Variants in GNAS observed in about 807,000 individuals in gnomAD.
GNAS encodes GNAS complex locus, also known as protein ALEX.
GNAS carries 8 observed loss-of-function variants against 54.5 expected under a neutral mutation model. The ratio of observed to expected loss-of-function variants is 0.15; its 90% CI spans 0.09 to 0.26. The LOEUF (loss-of-function observed/expected upper bound fraction) is 0.26. GNAS is among the 10% of genes least tolerant of loss of function. The probability of loss-of-function intolerance (pLI) is 1.00; values close to 1 mark genes in which losing one functional copy is unlikely to be tolerated. For synonymous variants in GNAS, 204 were observed against 191.4 expected, an observed-to-expected ratio of 1.07 and a Z score of -0.54; for missense variants, 170 against 529.8, an observed-to-expected ratio of 0.32 and a Z score of 6.67.
Position 58,872,877 on chromosome 20 carries a change from A to G in GNAS, c.44-22735A>G, listed in dbSNP as rs111303344. 5.6e-3 allele frequency among the ~76,000 whole-genome samples: 852 copies of G among 152,342 alleles called. 5 individuals are homozygous for G. Among genetic ancestry groups the G allele is most frequent in the Non-Finnish European group, 9.4e-3 (638 of 68,038 alleles). On this transcript the variant is annotated intron_variant, in intron 1 of 12. Transcript: ENST00000306090. ...GTCCTGGGCTTCATTCATCAGCTCAAGAGAAAAAAAATAAAATCAAAATTT... is the reference window on the plus strand; with the variant it reads ...GTCCTGGGCTTCATTCATCAGCTCAGGAGAAAAAAAATAAAATCAAAATTT...
chr20:58,892,091 C>A (rs1186901710), intron 1 of GNAS: 4 of 966,746 alleles, frequency 4.1e-6, no homozygotes, highest in Non-Finnish European at 4.9e-6. Context: ...GACGCGGGCG[C>A]GGGTCCCCCT....
At chr20:58,892,561 C>A (rs1310219423) in intron 1 of GNAS, 1 of 9,908 alleles carries the variant, frequency 1.0e-4, no homozygotes, top group Admixed American at 1.2e-3. Flanking sequence ...GCGCCGGAGT[C>A]GGGAGGGGGG....
intron 2 of GNAS, chr20:58,898,054 TAC>T (rs774041457): frequency 3.3e-5 from 5 of 152,246 alleles, no homozygotes; most frequent in Admixed American, 6.5e-5. Context: ...CCTTCAGAAA[TAC>T]AGAGGTTGGA....
chr20:58,892,311 G>A (rs2089503821), intron 1 of GNAS: 6 of 316,886 alleles, frequency 1.9e-5, no homozygotes, highest in Non-Finnish European at 2.7e-5. Flanking sequence ...AGAGGGAGGG[G>A]GACCCGCCTC....
Position 58,903,725 on chromosome 20 carries a change from C to G in GNAS, c.366C>G (p.Pro122=), listed in dbSNP as rs35287986. The G allele has an allele frequency of 1.2e-6, 2 of 1,613,822 alleles. No homozygotes were observed. Among genetic ancestry groups the G allele is most frequent in the Admixed American group, 1.7e-5 (1 of 60,016 alleles). ...TGCCCCCCGTGGAGCTGGCCAACCC[C>G]GAGAACCAGTTCAGAGTGGACTACA... ...NLVPPVELAN[P]ENQFRVDYIL... Residue 122 remains proline (P), a synonymous_variant, in exon 5 of 13, where the codon CCC becomes CCG. Coordinates refer to ENST00000371085, the MANE Select transcript of GNAS (RefSeq NM_000516.7).
chr20:58,888,949 C>T (rs1382093006), upstream of GNAS: 10 of 379,872 alleles, frequency 2.6e-5, no homozygotes, highest in East Asian at 6.6e-4. Flanking sequence ...CTTGGGCGCG[C>T]CCGCGCCCCC....
chr20:58,840,053 C>A, upstream of GNAS: 2 of 1,594,504 alleles, frequency 1.3e-6, no homozygotes, highest in South Asian at 2.2e-5. This position sits in a 1 kb window ranked among gnomAD's most constrained non-coding sequence, Gnocchi z 6.0. Flanking sequence ...TGCTTCGGAG[C>A]CACTCTCTGC....
chr20:58,843,794 T>G (rs2085835486), intron 1 of GNAS, among the ~76,000 whole-genome samples: 1 of 152,234 alleles, frequency 6.6e-6, no homozygotes, highest in Non-Finnish European at 1.5e-5. Flanking sequence ...AAGGTGCTCT[T>G]GTAACTGAAC....
Position 58,910,621 on chromosome 20 carries a change from T to C in GNAS, c.1039-62T>C. The C allele has an allele frequency of 6.3e-7, 1 of 1,579,974 alleles. No homozygotes were observed. Among genetic ancestry groups the C allele is most frequent in the Non-Finnish European group, 8.7e-7 (1 of 1,149,302 alleles). On this transcript the variant is annotated intron_variant, in intron 12 of 12. Transcript: ENST00000371085. The surrounding 1 kb of genome is among the most constrained non-coding windows in gnomAD (Gnocchi z 5.8). ...CAGCCGTCCCTGGTAGGTGTCCCCATCAGGGATAGGGTGGTTCCTGGCGAG... is the reference window on the plus strand; with the variant it reads ...CAGCCGTCCCTGGTAGGTGTCCCCACCAGGGATAGGGTGGTTCCTGGCGAG...
chr20:58,891,838 C>G lies in GNAS; in HGVS notation c.112C>G (p.Arg38Gly), dbSNP rs994421324. 1.6e-6 allele frequency: 2 copies of G among 1,268,194 alleles called. No homozygotes were observed. Among genetic ancestry groups the G allele is most frequent in the Admixed American group, 2.2e-5 (1 of 45,438 alleles). The allele number at this position is 1,268,194 out of a possible 1,614,324, so 78.6% of individuals were successfully genotyped here. Residue 38 changes from arginine (R) to glycine (G), a missense_variant, in exon 1 of 13, where the codon CGG becomes GGG. Coordinates refer to ENST00000371085, the MANE Select transcript of GNAS (RefSeq NM_000516.7). ...GCTGCAGAAGGACAAGCAGGTCTAC[C>G]GGGCCACGCACCGCCTGCTGCTGCT... The part of the protein sequence containing the change: ...KQLQKDKQVY[R>G]ATHRLLLLGA...
chr20:58,898,952 A>AG lies in GNAS; in HGVS notation c.226dup (p.Asp76GlyfsTer12). Reference sequence around the variant, plus strand: ...TCTCTCTTTAAAAGGGGCGGCGAAGAGGACCCGCAGGCTGCAAGGAGCAAC... The same window carrying AG: ...TCTCTCTTTAAAAGGGGCGGCGAAGAGGGACCCGCAGGCTGCAAGGAGCAAC... On this transcript the variant is annotated frameshift_variant, in exon 3 of 13. Transcript: ENST00000371085. LOFTEE classifies it high-confidence loss of function. 1 of 1,613,984 alleles carries AG rather than the reference A, an allele frequency of 6.2e-7. No individual in the cohort carries two copies. The highest frequency in any genetic ancestry group is 8.5e-7 in the Non-Finnish European group (1 of 1,179,824).
At chr20:58,897,542 C>A (rs2090179593) in intron 2 of GNAS, 1 of 152,194 alleles carries the variant, frequency 6.6e-6, no homozygotes, top group Non-Finnish European at 1.5e-5. Flanking sequence ...AAATAAATTA[C>A]TGACAGCTTC....
In GNAS at chr20:58,850,845, C is replaced by G. The variant is rs573544132; in HGVS notation, c.43+9959C>G. Reference sequence around the variant, plus strand: ...GCCTAGCCGCCATACACCCGCCCCCCACCGGCTTCCAACCACCCCAGCAGC... The same window carrying G: ...GCCTAGCCGCCATACACCCGCCCCCGACCGGCTTCCAACCACCCCAGCAGC... On this transcript the variant is annotated intron_variant, in intron 1 of 12. Transcript: ENST00000306090. 5.3e-5 allele frequency: 21 copies of G among 398,860 alleles called. No individual in the cohort carries two copies. In the East Asian group the frequency reaches 6.8e-4, roughly 13 times the overall value. The allele number at this position is 398,860 out of a possible 1,614,324, so 24.7% of individuals were successfully genotyped here.
chr20:58,889,695 C>G (rs2088936618), upstream of GNAS: 1 of 151,540 alleles, frequency 6.6e-6, no homozygotes, highest in African/African-American at 2.4e-5. Flanking sequence ...GGCGCTAACT[C>G]TTAGGCAGCC....
chr20:58,897,311 A>C (rs1466146453), intron 2 of GNAS: 1 of 152,232 alleles, frequency 6.6e-6, no homozygotes, highest in East Asian at 1.9e-4. Context: ...ACAGACTTCC[A>C]ACCATGAATC....
At chr20:58,904,761 GA>G (rs905036725) in intron 5 of GNAS, among the ~76,000 whole-genome samples, 39 of 151,320 alleles carry the variant, frequency 2.6e-4, no homozygotes, top group African/African-American at 9.2e-4. Context: ...GCATTATTTT[GA>G]AAAAAAAGCA....
intron 3 of GNAS, among the ~76,000 whole-genome samples, chr20:58,901,201 G>A (rs953372723): frequency 2.6e-5 from 4 of 152,140 alleles, no homozygotes; most frequent in African/African-American, 7.2e-5. Flanking sequence ...AGGGGGTTTT[G>A]GGTAAATTCT....
rs1417649121 is a variant in GNAS at position 58,891,783 on chromosome 20, G to A, written c.57G>A (p.Gln19=). ...ACCAGCGCAACGAGGAGAAGGCGCA[G>A]CGTGAGGCCAACAAAAAGATCGAGA... The part of the protein sequence containing the change: ...TEDQRNEEKA[Q]REANKKIEKQ... Residue 19 remains glutamine (Q), a synonymous_variant, in exon 1 of 13, where the codon CAG becomes CAA. Coordinates refer to ENST00000371085, the MANE Select transcript of GNAS (RefSeq NM_000516.7). The A allele has an allele frequency of 3.1e-6, 4 of 1,285,680 alleles. No homozygotes were observed. Among genetic ancestry groups the A allele is most frequent in the African/African-American group, 1.6e-5 (1 of 63,156 alleles). 79.6% of individuals were successfully genotyped at this position (1,285,680 alleles called of 1,614,324 possible).
chr20:58,854,211 G>A lies in GNAS; in HGVS notation c.43+13325G>A, dbSNP rs771759443. ...CCCGTTCGAGATTGGCAGCGCCCCCGCTGGGGTCGACGACACTCCCGTCAA... is the reference window on the plus strand; with the variant it reads ...CCCGTTCGAGATTGGCAGCGCCCCCACTGGGGTCGACGACACTCCCGTCAA... On this transcript the variant is annotated intron_variant, in intron 1 of 12. Transcript: ENST00000306090. 38 of 1,613,002 alleles carry A rather than the reference G, an allele frequency of 2.4e-5. No homozygotes were observed. In the South Asian group the frequency reaches 3.6e-4, roughly 15 times the overall value.
Sources: gnomAD v4.1 joint callset for allele counts (sites outside exome capture counted in the v4.1 genomes callset) on GRCh38, gnomAD v4.1.1 for gene constraint, Gnocchi (gnomAD v3.1) non-coding constraint, MANE v1.5 for transcripts, NCBI Gene and HGNC (gene_info 2026-07-23, HGNC 2026-07-21) for gene names.